Variants in UACA observed in about 807,000 individuals in gnomAD.
UACA encodes uveal autoantigen with coiled-coil domains and ankyrin repeats, also known as nuclear membrane binding protein.
UACA carries 112 observed loss-of-function variants against 160.5 expected under a neutral mutation model. The ratio of observed to expected loss-of-function variants is 0.70; its 90% CI spans 0.60 to 0.82. UACA has a LOEUF of 0.82. Ranked by LOEUF, UACA falls within the 40% of genes least tolerant of loss-of-function variation. The pLI is 0.00. For missense variants in UACA, 1,574 were observed against 1,614.6 expected (o/e 0.97, Z 0.43); for synonymous variants, 557 against 568.4 (o/e 0.98, Z 0.29).
chr15:70,759,890 T>C (rs1273519244), intron 1 of UACA, among the ~76,000 whole-genome samples: 1 of 152,188 alleles, frequency 6.6e-6, no homozygotes, highest in Non-Finnish European at 1.5e-5. Flanking sequence ...AAATTACTAC[T>C]TTTGCCCATA....
chr15:70,747,897 C>T (rs1899760342), intron 1 of UACA, among the ~76,000 whole-genome samples: 1 of 151,918 alleles, frequency 6.6e-6, no homozygotes, highest in Non-Finnish European at 1.5e-5. Context: ...AAACACTAAT[C>T]CTATCTTAAA....
chr15:70,737,021 CT>C (rs1191394992), intron 1 of UACA, among the ~76,000 whole-genome samples: 1 of 152,168 alleles, frequency 6.6e-6, no homozygotes, highest in East Asian at 1.9e-4. Flanking sequence ...ATGAGGGTGT[CT>C]CGTATCCATC....
chr15:70,690,439 G>A lies in UACA; in HGVS notation c.424+15C>T. On this transcript the variant is annotated intron_variant, in intron 5 of 18. Transcript: ENST00000322954. ...TTTTAACAAATATTTGTATCCAAGG[G>A]AAACCACTGCTCACCGGCATCGTGA... 1 of 1,611,246 alleles carries A rather than the reference G, an allele frequency of 6.2e-7. No homozygotes were observed. Among genetic ancestry groups the A allele is most frequent in the Non-Finnish European group, 8.5e-7 (1 of 1,178,546 alleles).
chr15:70,708,785 T>C (rs1245176522), intron 1 of UACA, among the ~76,000 whole-genome samples: 2 of 152,162 alleles, frequency 1.3e-5, no homozygotes, highest in African/African-American at 2.4e-5. Context: ...TATTGCATGA[T>C]TAATACTAAC....
intron 1 of UACA, among the ~76,000 whole-genome samples, chr15:70,712,721 A>C (rs2059322): frequency 0.2 from 30,463 of 152,116 alleles, 4,979 homozygotes; most frequent in African/African-American, 0.45. Context: ...TATAAGGCAA[A>C]TGTAATTAGT....
In UACA at chr15:70,660,127, T is replaced by C. The variant is rs577752517; in HGVS notation, c.4179+24A>G. 7.6e-6 allele frequency: 12 copies of C among 1,585,300 alleles called. No individual in the cohort carries two copies. The South Asian group carries it at 1.2e-4, about 15-fold the overall frequency. ...TTATTATCTCTAAAGCAATATTCTT[T>C]CCAAAGGAGAAGTAGTTCTTTACCT... On this transcript the variant is annotated intron_variant, in intron 18 of 18. Coordinates refer to ENST00000322954, the MANE Select transcript of UACA (RefSeq NM_018003.4).
chr15:70,673,401 T>C (rs1165610064), intron 13 of UACA, among the ~76,000 whole-genome samples: 4 of 152,242 alleles, frequency 2.6e-5, no homozygotes, highest in Non-Finnish European at 5.9e-5. Flanking sequence ...TCTGAAGTAG[T>C]TGACCATGAT....
At chr15:70,724,239 C>G (rs1899082557) in intron 1 of UACA, among the ~76,000 whole-genome samples, 1 of 152,134 alleles carries the variant, frequency 6.6e-6, no homozygotes. Flanking sequence ...TCTAAACCTA[C>G]TTCACATAAA....
rs147662048 is a variant in UACA at position 70,692,806 on chromosome 15, C to T, written c.302-1443G>A. On this transcript the variant is annotated intron_variant, in intron 3 of 18. Transcript: ENST00000322954. Reference sequence around the variant, plus strand: ...ACAAAAACACCATAATTTGATTTCACAAGTAGACCTTTTTGCTAGAAGAGT... The same window carrying T: ...ACAAAAACACCATAATTTGATTTCATAAGTAGACCTTTTTGCTAGAAGAGT... 3.9e-5 allele frequency among the ~76,000 whole-genome samples: 6 copies of T among 152,230 alleles called. No homozygotes were observed. In the East Asian group the frequency reaches 1.2e-3, roughly 29 times the overall value.
the UACA span, among the ~76,000 whole-genome samples, chr15:70,777,127 T>C: frequency 6.6e-6 from 1 of 152,158 alleles, no homozygotes; most frequent in Non-Finnish European, 1.5e-5. Context: ...ATCTTGAAGG[T>C]TGAGCCAACA....
At chr15:70,680,031 AC>A (rs1219636947) in intron 9 of UACA, 2 of 88,996 alleles carry the variant, frequency 2.2e-5, no homozygotes, top group African/African-American at 6.4e-5. Context: ...AAAGAACTCA[AC>A]TTAAAAAAAA....
In UACA at chr15:70,714,848, G is replaced by A. The variant is rs551616363; in HGVS notation, c.79-15188C>T. The stretch of plus-strand genomic sequence containing the variant: ...TGTCTGGGCACTTAAAACAGTTTAT[G>A]TAAAATATAGACAAGATGTGGCTTC... On this transcript the variant is annotated intron_variant, in intron 1 of 18. Coordinates refer to ENST00000322954, the MANE Select transcript of UACA (RefSeq NM_018003.4). 4.6e-5 allele frequency among the ~76,000 whole-genome samples: 7 copies of A among 152,296 alleles called. No homozygotes were observed. In the South Asian group the frequency reaches 1.4e-3, roughly 32 times the overall value.
chr15:70,674,461 T>C (rs924808253), intron 13 of UACA, among the ~76,000 whole-genome samples: 1 of 152,222 alleles, frequency 6.6e-6, no homozygotes, highest in Non-Finnish European at 1.5e-5. Flanking sequence ...TTGCATCTGC[T>C]TTCAGTTTAA....
chr15:70,717,372 AC>A (rs1273037841), intron 1 of UACA, among the ~76,000 whole-genome samples: 3 of 152,214 alleles, frequency 2.0e-5, no homozygotes, highest in African/African-American at 7.2e-5. Context: ...AGTTTGGCAA[AC>A]TTTTTCAGTA....
chr15:70,706,217 G>C (rs900166544), intron 1 of UACA, among the ~76,000 whole-genome samples: 1 of 151,990 alleles, frequency 6.6e-6, no homozygotes, highest in African/African-American at 2.4e-5. Context: ...CATTTGACAA[G>C]ACTCAACATC....
Position 70,668,304 on chromosome 15 carries a change from T to C in UACA, c.2380A>G (p.Lys794Glu). The C allele has an allele frequency of 6.2e-7, 1 of 1,612,654 alleles. No homozygotes were observed. The highest frequency in any genetic ancestry group is 8.5e-7 in the Non-Finnish European group (1 of 1,179,730). Residue 794 changes from lysine (K) to glutamate (E), a missense_variant, in exon 16 of 19, where the codon AAG becomes GAG. By Grantham distance (56) the Lys-to-Glu change is moderately conservative. Coordinates refer to ENST00000322954, the MANE Select transcript of UACA (RefSeq NM_018003.4). Reference protein sequence around the residue: ...KLLLENDSLSKDVSRLETVFV... With the variant: ...KLLLENDSLSEDVSRLETVFV... Reference sequence around the variant, plus strand: ...ACAGTTTCTAGGCGGCTTACATCCTTACTTAAGCTGTCATTTTCCAGTAGC... The same window carrying C: ...ACAGTTTCTAGGCGGCTTACATCCTCACTTAAGCTGTCATTTTCCAGTAGC...
At chr15:70,742,810 T>C (rs1899578998) in intron 1 of UACA, among the ~76,000 whole-genome samples, 1 of 152,232 alleles carries the variant, frequency 6.6e-6, no homozygotes, top group Non-Finnish European at 1.5e-5. Context: ...TTCACATGGT[T>C]GCCAAGTGGC....
At chr15:70,684,215 G>GACTTTTATT (rs1161560460) in intron 8 of UACA, 50 bp downstream of exon 8, 2 of 1,501,404 alleles carry the variant, frequency 1.3e-6, no homozygotes, top group African/African-American at 1.4e-5. Flanking sequence ...CTTTTAAAAA[G>GACTTTTATT]TGGCTCTTTG....
rs780096426 is a variant in UACA at position 70,668,844 on chromosome 15, C to T, written c.1840G>A (p.Gly614Ser). The change falls in exon 16 of 19, where the codon GGC becomes AGC. Residue 614 changes from glycine (G) to serine (S), a missense_variant. Transcript: ENST00000322954. ...KKGRKVTEMEGQAKELSAKLA... is the reference protein window; with the variant it reads ...KKGRKVTEMESQAKELSAKLA... ...TTCGCTGACAATTCTTTTGCCTGGC[C>T]TTCCATCTCTGTGACCTTTCTTCCT... 3 of 1,613,834 alleles carry T rather than the reference C, an allele frequency of 1.9e-6. No homozygotes were observed. The South Asian group carries it at 3.3e-5, about 18-fold the overall frequency.
Sources: gnomAD v4.1 joint callset for allele counts (sites outside exome capture counted in the v4.1 genomes callset) on GRCh38, gnomAD v4.1.1 for gene constraint, MANE v1.5 for transcripts, NCBI Gene and HGNC (gene_info 2026-07-23, HGNC 2026-07-21) for gene names.